The following DENND10 variants were observed in gnomAD, a reference collection of about 807,000 sequenced individuals.
DENND10 encodes DENN domain-containing protein 10.
DENND10 carries 24 observed loss-of-function variants against 43.6 expected under a neutral mutation model. That is an observed-to-expected ratio of 0.55 (90% CI 0.40 to 0.77). DENND10 has a LOEUF of 0.77. Ranked by LOEUF, DENND10 falls within the 30% of genes least tolerant of loss-of-function variation. The pLI is 0.00. For synonymous variants in DENND10, 125 were observed against 157.6 expected, an observed-to-expected ratio of 0.79 and a Z score of 1.55; for missense variants, 303 against 429.9, an observed-to-expected ratio of 0.70 and a Z score of 2.61.
In DENND10 at chr10:119,132,497, C is replaced by T; in HGVS notation, c.803-18C>T. On this transcript the variant is annotated intron_variant, in intron 7 of 8. Transcript: ENST00000361432. This position sits in a 1 kb window ranked among gnomAD's most constrained non-coding sequence, Gnocchi z 4.2. ...TTTTATGTCGATTTCTAAATATTCA[C>T]CTTCTTGATCTCACCAGAGGCCATG... is the stretch of plus-strand genomic sequence containing the variant. 1 of 1,586,996 alleles carries T rather than the reference C, an allele frequency of 6.3e-7. No homozygotes were observed. The highest frequency in any genetic ancestry group is 2.2e-5 in the East Asian group (1 of 44,736).
chr10:119,130,335 T>C (rs1055020804), intron 7 of DENND10, among the ~76,000 whole-genome samples: 2 of 152,310 alleles, frequency 1.3e-5, no homozygotes, highest in Non-Finnish European at 2.9e-5. Flanking sequence ...TAATTTTGTA[T>C]TTTTAGTTAG....
rs755089299 is a variant in DENND10 at position 119,111,869 on chromosome 10, C to G, written c.273C>G (p.Val91=). ...ILKKVTHFSI[V]LTAKDFNPEK... is the part of the protein sequence containing the mutation. ...AACAGGTGACTCATTTTTCTATTGT[C>G]CTGACCGCCAAAGATTTTAACCCAG... The change falls in exon 3 of 9, where the codon GTC becomes GTG. Residue 91 remains valine, a synonymous_variant. Transcript: ENST00000361432. 51 of 1,612,954 alleles carry G rather than the reference C, an allele frequency of 3.2e-5. No individual in the cohort carries two copies. The South Asian group carries it at 5.2e-4, about 16-fold the overall frequency.
At chr10:119,108,862 C>G (rs905178725) in intron 2 of DENND10, among the ~76,000 whole-genome samples, 1 of 151,554 alleles carries the variant, frequency 6.6e-6, no homozygotes, top group African/African-American at 2.4e-5. Flanking sequence ...ACCATGTTTG[C>G]CAGGCTGGTC....
intron 1 of DENND10, 83 bp from the exon 2 acceptor site, chr10:119,107,885 C>G: frequency 7.9e-7 from 1 of 1,267,140 alleles, no homozygotes; most frequent in African/African-American, 1.5e-5. Context: ...AAAACTGATT[C>G]CACTAAGTGT....
At chr10:119,105,152 A>G (rs977249148) in intron 1 of DENND10, 2 of 152,536 alleles carry the variant, frequency 1.3e-5, no homozygotes, top group African/African-American at 4.8e-5. Flanking sequence ...GCACACCCCT[A>G]AACTCTTTCT....
At chr10:119,131,316 G>C (rs911013694) in intron 7 of DENND10, among the ~76,000 whole-genome samples, 10 of 152,150 alleles carry the variant, frequency 6.6e-5, no homozygotes, top group African/African-American at 2.2e-4. Flanking sequence ...AAATTAGCCG[G>C]GCGTGGTGGC....
At chr10:119,105,644 T>A in intron 1 of DENND10, 1 of 407,544 alleles carries the variant, frequency 2.5e-6, no homozygotes, top group Non-Finnish European at 3.4e-6. Flanking sequence ...TGACATATGA[T>A]CATATTTTGA....
intron 3 of DENND10, among the ~76,000 whole-genome samples, chr10:119,116,191 A>G (rs1845264426): frequency 6.6e-6 from 1 of 152,212 alleles, no homozygotes; most frequent in South Asian, 2.1e-4. Context: ...TCACAGGAAG[A>G]GATTTCAAGG....
chr10:119,125,271 C>T (rs951354373), intron 6 of DENND10, among the ~76,000 whole-genome samples: 5 of 151,854 alleles, frequency 3.3e-5, no homozygotes, highest in Admixed American at 1.3e-4. Flanking sequence ...TGTGCCTGGC[C>T]GAACTTGTAA....
chr10:119,136,388 G>A, intron 8 of DENND10, 83 bp from the exon 9 acceptor site: 1 of 1,491,994 alleles, frequency 6.7e-7, no homozygotes, highest in African/African-American at 1.4e-5. Context: ...AAACAGTCTG[G>A]AAAAAATAGG....
intron 6 of DENND10, among the ~76,000 whole-genome samples, chr10:119,124,187 C>A (rs1380370720): frequency 6.9e-6 from 1 of 145,522 alleles, no homozygotes. Flanking sequence ...GAGCAAAACT[C>A]CGTCTCAAAA....
At chr10:119,127,540 G>A (rs1044119110) in intron 6 of DENND10, among the ~76,000 whole-genome samples, 4 of 151,900 alleles carry the variant, frequency 2.6e-5, no homozygotes, top group East Asian at 1.9e-4. Flanking sequence ...GTGCAGTGGC[G>A]TGATCTTGGC....
chr10:119,130,170 A>C (rs1341831390), intron 7 of DENND10, among the ~76,000 whole-genome samples: 1 of 149,106 alleles, frequency 6.7e-6, no homozygotes, highest in East Asian at 2.0e-4. Context: ...ATGCTCAGCT[A>C]ATTTTTTTTT....
chr10:119,108,875 G>A (rs111248467), intron 2 of DENND10, among the ~76,000 whole-genome samples: 4,864 of 151,768 alleles, frequency 0.032, 212 homozygotes, highest in East Asian at 0.11. Context: ...GGCTGGTCGT[G>A]AATTCCTGAC....
At chr10:119,123,129 C>T (rs1383298389) in intron 5 of DENND10, among the ~76,000 whole-genome samples, 1 of 152,134 alleles carries the variant, frequency 6.6e-6, no homozygotes, top group Non-Finnish European at 1.5e-5. Context: ...TTAACCGGGC[C>T]GTGGTGGCAG....
intron 2 of DENND10, among the ~76,000 whole-genome samples, chr10:119,109,903 C>T (rs777133408): frequency 1.3e-5 from 2 of 151,842 alleles, no homozygotes; most frequent in Non-Finnish European, 2.9e-5. Context: ...GCCTTAATCT[C>T]CTGGGCCCAA....
At chr10:119,118,840 T>A in intron 4 of DENND10, among the ~76,000 whole-genome samples, 1 of 28,626 alleles carries the variant, frequency 3.5e-5, no homozygotes, top group African/African-American at 1.0e-4. Flanking sequence ...CCAGCTAATT[T>A]TTTTTTTTTT....
intron 3 of DENND10, among the ~76,000 whole-genome samples, chr10:119,115,969 G>T (rs1845251056): frequency 6.6e-6 from 1 of 151,604 alleles, no homozygotes; most frequent in Non-Finnish European, 1.5e-5. Flanking sequence ...TCACCGTGTT[G>T]CCCGGGCTGG....
intron 6 of DENND10, among the ~76,000 whole-genome samples, chr10:119,127,097 G>A (rs1845873988): frequency 6.6e-6 from 1 of 151,000 alleles, no homozygotes; most frequent in African/African-American, 2.4e-5. Context: ...TAGAGATAAG[G>A]TTTCACCATG....
Sources: gnomAD v4.1 joint callset for allele counts (sites outside exome capture counted in the v4.1 genomes callset) on GRCh38, gnomAD v4.1.1 for gene constraint, Gnocchi (gnomAD v3.1) non-coding constraint, MANE v1.5 for transcripts, NCBI Gene and HGNC (gene_info 2026-07-23, HGNC 2026-07-21) for gene names.